Variants in ATP7A observed in about 807,000 individuals in gnomAD.
The protein encoded by ATP7A is copper-transporting ATPase 1.
In ATP7A, 7 loss-of-function variants were observed where a neutral mutation model predicts 83.5. The observed-to-expected ratio is 0.08, with a 90% CI of 0.05 to 0.16. ATP7A has a LOEUF of 0.16. Among genes scored for constraint, ATP7A ranks in the 10% least tolerant of loss-of-function variants. The pLI is 1.00. For missense variants in ATP7A, 940 were observed against 1,120.8 expected, an observed-to-expected ratio of 0.84 and a Z score of 2.30; for synonymous variants, 354 against 395.2, an observed-to-expected ratio of 0.90 and a Z score of 1.24.
At chrX:77,999,368 C>G (rs1469765226) in intron 5 of ATP7A, among the ~76,000 whole-genome samples, 1 of 111,358 alleles carries the variant, frequency 9.0e-6, no homozygotes, top group African/African-American at 3.3e-5. Context: ...ATTACTATAC[C>G]CAGACCAAGC....
At chrX:78,027,486 A>G (rs2077953377) in intron 14 of ATP7A, among the ~76,000 whole-genome samples, 1 of 111,744 alleles carries the variant, frequency 8.9e-6, no homozygotes, top group Non-Finnish European at 1.9e-5. Context: ...TTCCATGCCC[A>G]TGGATTGGAA....
intron 13 of ATP7A, among the ~76,000 whole-genome samples, chrX:78,020,638 G>C (rs1022038686): frequency 9.0e-6 from 1 of 110,857 alleles, no homozygotes; most frequent in Admixed American, 9.6e-5. Flanking sequence ...TCAGCCTCCC[G>C]AGTAGCTGGG....
At chrX:78,023,928 G>C (rs2077924937) in intron 14 of ATP7A, among the ~76,000 whole-genome samples, 1 of 111,303 alleles carries the variant, frequency 9.0e-6, no homozygotes, top group Non-Finnish European at 1.9e-5. Flanking sequence ...TATAGTTTGA[G>C]GTTTTACATC....
chrX:77,932,556 C>T (rs2077293591), intron 1 of ATP7A, among the ~76,000 whole-genome samples: 1 of 112,159 alleles, frequency 8.9e-6, no homozygotes, highest in Non-Finnish European at 1.9e-5. Flanking sequence ...AGGCAGGCGG[C>T]TGGGAGGTGG....
At chrX:78,018,446 G>A (rs1378080120) in intron 12 of ATP7A, among the ~76,000 whole-genome samples, 1 of 111,333 alleles carries the variant, frequency 9.0e-6, no homozygotes, top group Non-Finnish European at 1.9e-5. Flanking sequence ...AGAGGTTGCA[G>A]TGAGCCGAGA....
chrX:77,959,830 T>TAAGGTACTA (rs1231940411), intron 1 of ATP7A, among the ~76,000 whole-genome samples: 5 of 112,290 alleles, frequency 4.5e-5, no homozygotes, highest in African/African-American at 1.6e-4. Context: ...AGACTCTGTC[T>TAAGGTACTA]AAGGTACTAT....
At chrX:78,030,401 G>A (rs1291440711) in intron 15 of ATP7A, among the ~76,000 whole-genome samples, 2 of 105,426 alleles carry the variant, frequency 1.9e-5, no homozygotes, top group African/African-American at 3.4e-5. Context: ...CAGCTTGGGC[G>A]ACTGAGCAAG....
intron 14 of ATP7A, among the ~76,000 whole-genome samples, chrX:78,028,189 A>AT (rs782109966): frequency 1.0e-3 from 100 of 97,501 alleles, no homozygotes; most frequent in East Asian, 3.5e-3. Context: ...TCCCTGGCTA[A>AT]TTTTTTTTTT....
At chrX:77,946,245 A>C (rs1399652686) in intron 1 of ATP7A, among the ~76,000 whole-genome samples, 1 of 106,809 alleles carries the variant, frequency 9.4e-6, no homozygotes, top group East Asian at 2.9e-4. Flanking sequence ...GATCGCAGTG[A>C]GCCGAGATTG....
Position 77,920,832 on chromosome X carries a change from A to G in ATP7A, c.-22+9997A>G, listed in dbSNP as rs782112226. ...ATTTTCTTTTGGATATATACTCAGT[A>G]ATGGGATTACTGGGTCGAATTGAGT... On this transcript the variant is annotated intron_variant, in intron 1 of 22. Coordinates refer to ENST00000341514, the MANE Select transcript of ATP7A (RefSeq NM_000052.7). Among the ~76,000 whole-genome samples the G allele has an allele frequency of 4.2e-4, 47 of 111,428 alleles. 1 individual carries two copies. Among genetic ancestry groups the G allele is most frequent in the Admixed American group, 7.7e-4 (8 of 10,427 alleles).
In ATP7A at chrX:78,031,441, C is replaced by A. The variant is rs142998552; in HGVS notation, c.3153C>A (p.His1051Gln). ...VVFDKTGTIT[H>Q]GTPVVNQVKV... ...TTGATAAGACTGGAACCATTACTCA[C>A]GGAACCCCAGTGGTGAATCAAGTAA... The change falls in exon 16 of 23, where the codon CAC becomes CAA. Residue 1051 changes from histidine (H) to glutamine (Q), a missense_variant. Physicochemically the swap from His to Gln is conservative, Grantham distance 24 (BLOSUM62 0). Around this residue, in one of 3 missense-constraint regions of ATP7A, gnomAD observed 386 missense variants for 502.2 expected, o/e 0.77. Transcript: ENST00000341514. The A allele has an allele frequency of 1.7e-6, 2 of 1,209,091 alleles. No homozygotes were observed. The highest frequency in any genetic ancestry group is 2.2e-6 in the Non-Finnish European group (2 of 894,423).
At position 78,015,747 on chromosome X, in the gene ATP7A, T is replaced by A; in HGVS notation, c.2499-7T>A. The A allele has an allele frequency of 8.3e-7, 1 of 1,211,487 alleles. No individual in the cohort carries two copies. The highest frequency in any genetic ancestry group is 1.1e-6 in the Non-Finnish European group (1 of 895,230). ...TCATGGTGCTTTTTATGTTAACTTATATCCAGTGAAGAACAAGTGGATGTG... is the reference window on the plus strand; with the variant it reads ...TCATGGTGCTTTTTATGTTAACTTAAATCCAGTGAAGAACAAGTGGATGTG... On this transcript the variant is annotated splice_region_variant and splice_polypyrimidine_tract_variant and intron_variant, in intron 11 of 22. Transcript: ENST00000341514.
chrX:78,009,463 G>A, intron 7 of ATP7A, 200 bp downstream of exon 7: 1 of 469,709 alleles, frequency 2.1e-6, no homozygotes, highest in Non-Finnish European at 3.7e-6. Context: ...GTTAGGCAAA[G>A]GTACATTTAC....
At chrX:77,914,883 G>A (rs1287406447) in intron 1 of ATP7A, among the ~76,000 whole-genome samples, 1 of 112,174 alleles carries the variant, frequency 8.9e-6, no homozygotes, top group Non-Finnish European at 1.9e-5. Context: ...GTCTATGTTT[G>A]TTTTTTCATC....
chrX:77,919,298 C>A (rs1246830339), intron 1 of ATP7A, among the ~76,000 whole-genome samples: 5 of 111,078 alleles, frequency 4.5e-5, no homozygotes, highest in Non-Finnish European at 1.9e-5. Context: ...AATGCCACTC[C>A]TATCTACCCA....
chrX:77,994,292 C>G (rs2077687454), intron 4 of ATP7A, among the ~76,000 whole-genome samples: 1 of 111,128 alleles, frequency 9.0e-6, no homozygotes, highest in East Asian at 2.8e-4. Flanking sequence ...TCTTGAACTC[C>G]TGACCTCAGG....
In ATP7A at chrX:78,029,256, A is replaced by G. The variant is rs1557236695; in HGVS notation, c.2923A>G (p.Asn975Asp). 4.1e-6 allele frequency: 5 copies of G among 1,210,997 alleles called. No homozygotes were observed. The South Asian group carries it at 5.3e-5, about 13-fold the overall frequency. Residue 975 changes from asparagine to aspartate, a missense_variant, in exon 15 of 23, where the codon AAT becomes GAT. Around this residue, in one of 3 missense-constraint regions of ATP7A, gnomAD observed 386 missense variants for 502.2 expected, o/e 0.77. Transcript: ENST00000341514. ...TTATGCCTTTCTTCTAAAGGGCTAC[A>G]ATAGAAGTATCTCCCGAACAGAAAC... ...EIVETYFPGYNRSISRTETII... is the reference protein window; with the variant it reads ...EIVETYFPGYDRSISRTETII...
At chrX:77,977,048 T>C (rs782256935) in intron 2 of ATP7A, among the ~76,000 whole-genome samples, 19 of 112,080 alleles carry the variant, frequency 1.7e-4, no homozygotes, top group Non-Finnish European at 3.4e-4. Context: ...ATTTTACGTA[T>C]TTATCTTCAA....
chrX:78,030,094 AT>A (rs1974330335), intron 15 of ATP7A, among the ~76,000 whole-genome samples: 1 of 112,409 alleles, frequency 8.9e-6, no homozygotes, highest in Admixed American at 9.4e-5. Flanking sequence ...AGTAATTTTT[AT>A]AGACATTTTA....
Sources: gnomAD v4.1 joint callset for allele counts (sites outside exome capture counted in the v4.1 genomes callset) on GRCh38, gnomAD v4.1.1 for gene constraint, gnomAD v4.1.1 regional missense constraint, MANE v1.5 for transcripts, NCBI Gene and HGNC (gene_info 2026-07-23, HGNC 2026-07-21) for gene names.